Variants in GFOD1 observed in about 807,000 individuals in gnomAD.
GFOD1 encodes the protein Gfo/Idh/MocA-like oxidoreductase domain containing 1.
GFOD1 carries 9 observed loss-of-function variants against 25.4 expected under a neutral mutation model. That is an observed-to-expected ratio of 0.35 (90% CI 0.21 to 0.62). GFOD1 has a LOEUF of 0.62. GFOD1 is among the 20% of genes least tolerant of loss of function. The pLI, the probability that GFOD1 is intolerant of heterozygous loss-of-function variation, is 0.72. For missense variants in GFOD1, 403 were observed against 556.9 expected (o/e 0.72, Z 2.78); for synonymous variants, 253 against 245.6 (o/e 1.03, Z -0.28).
At chr6:13,446,885 C>A (rs1758011856) in intron 1 of GFOD1, among the ~76,000 whole-genome samples, 1 of 152,214 alleles carries the variant, frequency 6.6e-6, no homozygotes, top group Non-Finnish European at 1.5e-5. Flanking sequence ...ATTTCTCTGC[C>A]CATCTTCTAG....
At chr6:13,412,717 C>T (rs1786100102) in intron 1 of GFOD1, among the ~76,000 whole-genome samples, 1 of 152,214 alleles carries the variant, frequency 6.6e-6, no homozygotes, top group African/African-American at 2.4e-5. Flanking sequence ...GCCTTCTGCT[C>T]CCTCCTCTTG....
intron 1 of GFOD1, among the ~76,000 whole-genome samples, chr6:13,479,140 T>TA (rs1353578274): frequency 3.3e-5 from 5 of 152,244 alleles, no homozygotes; most frequent in Middle Eastern, 3.4e-3. Context: ...AAAATAGTTT[T>TA]AAAAAATCTT....
chr6:13,381,919 A>ATG (rs759670597), intron 1 of GFOD1, among the ~76,000 whole-genome samples: 19,589 of 66,378 alleles, frequency 0.3, 1,647 homozygotes, highest in East Asian at 0.37. Context: ...GCGCGCGCAC[A>ATG]CACACACACA....
chr6:13,426,284 G>T (rs1276386118), intron 1 of GFOD1, among the ~76,000 whole-genome samples: 1 of 152,232 alleles, frequency 6.6e-6, no homozygotes, highest in Non-Finnish European at 1.5e-5. Context: ...GGCCCAGACT[G>T]CCTGGTCCTA....
chr6:13,463,699 A>ATCAT (rs1758331451), intron 1 of GFOD1, among the ~76,000 whole-genome samples: 1 of 152,230 alleles, frequency 6.6e-6, no homozygotes, highest in African/African-American at 2.4e-5. Context: ...AAGGGTAAGC[A>ATCAT]TCATGTCATA....
At chr6:13,456,996 G>A (rs1048726086) in intron 1 of GFOD1, among the ~76,000 whole-genome samples, 5 of 152,204 alleles carry the variant, frequency 3.3e-5, no homozygotes, top group African/African-American at 9.6e-5. Flanking sequence ...GCATTCAGGT[G>A]ATTTCAGTGG....
At chr6:13,458,712 A>G (rs2127575035) in intron 1 of GFOD1, among the ~76,000 whole-genome samples, 1 of 127,796 alleles carries the variant, frequency 7.8e-6, no homozygotes, top group African/African-American at 2.8e-5. Flanking sequence ...TGCAGGTGGT[A>G]TTGTCACTAA....
At chr6:13,381,130 C>T (rs1461946905) in intron 1 of GFOD1, among the ~76,000 whole-genome samples, 18 of 152,064 alleles carry the variant, frequency 1.2e-4, no homozygotes, top group Admixed American at 1.1e-3. Flanking sequence ...GTCATGCTGC[C>T]CCTGGTGCTG....
In GFOD1 at chr6:13,365,901, A is replaced by ATAATAG. The variant is rs1166601497; in HGVS notation, c.254-240_254-239insCTATTA. Among the ~76,000 whole-genome samples the ATAATAG allele has an allele frequency of 2.9e-4, 43 of 146,572 alleles. No individual in the cohort carries two copies. The highest frequency in any genetic ancestry group is 1.0e-3 in the African/African-American group (42 of 40,234). On this transcript the variant is annotated intron_variant, in intron 1 of 1. Coordinates refer to ENST00000379287, the MANE Select transcript of GFOD1 (RefSeq NM_018988.4). The surrounding 1 kb of genome is among the most constrained non-coding windows in gnomAD (Gnocchi z 9.2). Reference sequence around the variant, plus strand: ...CTCAATAATAATAATAATAATAATAATAATAATAATAATAATAATAATGAG... The same window carrying ATAATAG: ...CTCAATAATAATAATAATAATAATAATAATAGTAATAATAATAATAATAATAATGAG...
chr6:13,406,114 G>A (rs141176494), intron 1 of GFOD1, among the ~76,000 whole-genome samples: 3 of 152,310 alleles, frequency 2.0e-5, no homozygotes, highest in African/African-American at 7.2e-5. Context: ...TTTGGCAGGA[G>A]GTGGAGATGG....
At chr6:13,475,873 G>C (rs1228406307) in intron 1 of GFOD1, among the ~76,000 whole-genome samples, 1 of 152,038 alleles carries the variant, frequency 6.6e-6, no homozygotes, top group Non-Finnish European at 1.5e-5. Flanking sequence ...GCAGGGAGTT[G>C]AGATCATGCC....
At chr6:13,410,229 C>T (rs1786049541) in intron 1 of GFOD1, among the ~76,000 whole-genome samples, 1 of 152,084 alleles carries the variant, frequency 6.6e-6, no homozygotes, top group Non-Finnish European at 1.5e-5. Context: ...TGGCTTGCTC[C>T]TGTGTTTGGA....
chr6:13,444,724 T>C (rs974352131), intron 1 of GFOD1, among the ~76,000 whole-genome samples: 7 of 152,186 alleles, frequency 4.6e-5, no homozygotes, highest in Non-Finnish European at 7.4e-5. Flanking sequence ...TCTTTAGACA[T>C]AATACTACTG....
intron 1 of GFOD1, among the ~76,000 whole-genome samples, chr6:13,440,075 G>A (rs1012484028): frequency 6.6e-6 from 1 of 152,156 alleles, no homozygotes; most frequent in Admixed American, 6.5e-5. Flanking sequence ...CTGGATGTTG[G>A]CAATCAATGA....
intron 1 of GFOD1, chr6:13,486,232 TC>T: frequency 2.1e-6 from 1 of 476,392 alleles, no homozygotes; most frequent in Non-Finnish European, 2.5e-6. Flanking sequence ...CGCACAACCC[TC>T]CTCCACCCCC....
rs543135036 is a variant in GFOD1 at position 13,361,641 on chromosome 6, G to C, written c.*3102C>G. 6.6e-6 allele frequency: 1 copy of C among 152,304 alleles called. No individual in the cohort carries two copies. Among genetic ancestry groups the C allele is most frequent in the South Asian group, 2.1e-4 (1 of 4,830 alleles). The allele number at this position is 152,304 out of a possible 1,614,324, so 9.4% of individuals were successfully genotyped here. On this transcript the variant is annotated 3_prime_UTR_variant, in exon 2 of 2. Transcript: ENST00000379287. ...ACCCCAAATCAAGTCTTTGCATGTGGTGGGATAAGGGCAAATGGAGCACTA... is the reference window on the plus strand; with the variant it reads ...ACCCCAAATCAAGTCTTTGCATGTGCTGGGATAAGGGCAAATGGAGCACTA...
chr6:13,406,028 A>G (rs1398116627), intron 1 of GFOD1, among the ~76,000 whole-genome samples: 1 of 152,138 alleles, frequency 6.6e-6, no homozygotes, highest in Non-Finnish European at 1.5e-5. Flanking sequence ...AGCATCCTCT[A>G]TCTCTAAAGA....
intron 1 of GFOD1, among the ~76,000 whole-genome samples, chr6:13,465,385 A>G (rs2841559): frequency 0.92 from 139,772 of 152,224 alleles, 65,310 homozygotes; most frequent in East Asian, 1. Flanking sequence ...AGCTTGGTCC[A>G]TGAACCAGCA....
chr6:13,486,246 A>AACCCCCCCCCCCCCCCCCCCCC (rs1758864182), intron 1 of GFOD1: 1 of 163,312 alleles, frequency 6.1e-6, no homozygotes, highest in Non-Finnish European at 7.4e-6. Context: ...CCACCCCCCC[A>AACCCCCCCCCCCCCCCCCCCCC]TCCCCCCCCC....
Sources: gnomAD v4.1 joint callset for allele counts (sites outside exome capture counted in the v4.1 genomes callset) on GRCh38, gnomAD v4.1.1 for gene constraint, Gnocchi (gnomAD v3.1) non-coding constraint, MANE v1.5 for transcripts, NCBI Gene and HGNC (gene_info 2026-07-23, HGNC 2026-07-21) for gene names.